The following PPP3CA variants were observed in gnomAD, a reference collection of about 807,000 sequenced individuals.
The protein encoded by PPP3CA is CAM-PRP catalytic subunit.
PPP3CA carries 14 observed loss-of-function variants against 66.5 expected under a neutral mutation model. The observed-to-expected ratio is 0.21, with a 90% CI of 0.14 to 0.33. The LOEUF (loss-of-function observed/expected upper bound fraction) is 0.33, where lower values mean the gene tolerates loss of function less well. PPP3CA is among the 10% of genes least tolerant of loss of function. The probability of loss-of-function intolerance (pLI) is 1.00; values close to 1 mark genes in which losing one functional copy is unlikely to be tolerated. For missense variants in PPP3CA, 317 were observed against 639.5 expected (o/e 0.50, Z 5.44); for synonymous variants, 232 against 226.2 (o/e 1.03, Z -0.23).
intron 11 of PPP3CA, among the ~76,000 whole-genome samples, chr4:101,035,266 T>TAAAAC (rs536738710): frequency 5.9e-5 from 9 of 151,398 alleles, no homozygotes; most frequent in Non-Finnish European, 1.2e-4. Flanking sequence ...GAGACCGTCT[T>TAAAAC]AAAACAAAAC....
chr4:101,066,894 G>A (rs772183622), intron 8 of PPP3CA, among the ~76,000 whole-genome samples: 1 of 152,076 alleles, frequency 6.6e-6, no homozygotes, highest in African/African-American at 2.4e-5. Context: ...AATACAAATA[G>A]TTGTACTTCA....
chr4:101,175,201 T>C (rs1362230064), intron 2 of PPP3CA, among the ~76,000 whole-genome samples: 1 of 152,068 alleles, frequency 6.6e-6, no homozygotes, highest in Non-Finnish European at 1.5e-5. Context: ...CTATAGAAAC[T>C]GGAAGGGGCC....
intron 1 of PPP3CA, among the ~76,000 whole-genome samples, chr4:101,346,185 G>C (rs1467568143): frequency 6.6e-6 from 1 of 151,320 alleles, no homozygotes. Context: ...GGCCCTTCCA[G>C]GGGGAGGGGG....
chr4:101,312,872 A>G (rs1270063336), intron 1 of PPP3CA, among the ~76,000 whole-genome samples: 1 of 152,326 alleles, frequency 6.6e-6, no homozygotes, highest in East Asian at 1.9e-4. Context: ...AAGTGGTTGC[A>G]GGCAAAACCA....
chr4:101,169,755 G>A (rs1326142967), intron 2 of PPP3CA, among the ~76,000 whole-genome samples: 1 of 150,246 alleles, frequency 6.7e-6, no homozygotes, highest in Non-Finnish European at 1.5e-5. Flanking sequence ...TTTTACTGCT[G>A]ACTCTTATGT....
At chr4:101,234,302 C>A (rs1726058048) in intron 1 of PPP3CA, among the ~76,000 whole-genome samples, 1 of 151,706 alleles carries the variant, frequency 6.6e-6, no homozygotes, top group Non-Finnish European at 1.5e-5. Context: ...CTTTGAGGAA[C>A]TGCCTCACTG....
intron 3 of PPP3CA, among the ~76,000 whole-genome samples, chr4:101,105,020 T>G (rs1014295600): frequency 2.0e-5 from 3 of 152,170 alleles, no homozygotes; most frequent in African/African-American, 4.8e-5. Context: ...TCCAGTTTGA[T>G]CCTTTGCTTG....
chr4:101,132,620 C>A (rs989719442), intron 2 of PPP3CA, among the ~76,000 whole-genome samples: 1 of 151,948 alleles, frequency 6.6e-6, no homozygotes, highest in African/African-American at 2.4e-5. Flanking sequence ...GCCTACCAAC[C>A]AAAAAAAGCC....
chr4:101,149,976 C>T (rs17030807), intron 2 of PPP3CA, among the ~76,000 whole-genome samples: 9,460 of 152,058 alleles, frequency 0.062, 996 homozygotes, highest in African/African-American at 0.21. Flanking sequence ...GTACAGTGGT[C>T]CCAAAGTCAC....
intron 3 of PPP3CA, among the ~76,000 whole-genome samples, chr4:101,106,789 T>A (rs564316168): frequency 6.6e-6 from 1 of 152,318 alleles, no homozygotes; most frequent in African/African-American, 2.4e-5. Context: ...GAAACTGATG[T>A]AGCCATCTTG....
chr4:101,274,161 G>A (rs888921423), intron 1 of PPP3CA, among the ~76,000 whole-genome samples: 8 of 152,056 alleles, frequency 5.3e-5, no homozygotes, highest in Admixed American at 1.3e-4. Flanking sequence ...AACATTAGCC[G>A]GACATGATGG....
chr4:101,296,007 A>G (rs1292178770), intron 1 of PPP3CA, among the ~76,000 whole-genome samples: 1 of 151,970 alleles, frequency 6.6e-6, no homozygotes, highest in Non-Finnish European at 1.5e-5. Context: ...TTTGAAAATA[A>G]GCTGGAGTTG....
intron 2 of PPP3CA, among the ~76,000 whole-genome samples, chr4:101,155,939 T>C (rs1175775237): frequency 6.6e-6 from 1 of 152,186 alleles, no homozygotes; most frequent in East Asian, 1.9e-4. Context: ...TCTTATCATG[T>C]GCTGTGTATT....
chr4:101,057,060 CT>C (rs60282854), intron 10 of PPP3CA, among the ~76,000 whole-genome samples: 9,256 of 144,830 alleles, frequency 0.064, 890 homozygotes, highest in African/African-American at 0.21. Context: ...GTAGAATATA[CT>C]TTTTTTTTTT....
chr4:101,309,101 A>G (rs766057781), intron 1 of PPP3CA, among the ~76,000 whole-genome samples: 6 of 152,116 alleles, frequency 3.9e-5, no homozygotes, highest in Non-Finnish European at 8.8e-5. Context: ...CACTCCAACC[A>G]GGGTGAAGGA....
At chr4:101,124,206 A>T (rs982480496) in intron 2 of PPP3CA, among the ~76,000 whole-genome samples, 16 of 152,200 alleles carry the variant, frequency 1.1e-4, no homozygotes, top group African/African-American at 3.9e-4. Context: ...TGTAGATGTA[A>T]AGTGCAAGCA....
chr4:101,162,948 T>G (rs1023532305), intron 2 of PPP3CA, among the ~76,000 whole-genome samples: 2 of 152,172 alleles, frequency 1.3e-5, no homozygotes, highest in Non-Finnish European at 2.9e-5. Flanking sequence ...CAGACTCCCT[T>G]GCCATTAGGG....
At chr4:101,059,333 T>C (rs1728360238) in intron 10 of PPP3CA, among the ~76,000 whole-genome samples, 1 of 152,130 alleles carries the variant, frequency 6.6e-6, no homozygotes, top group African/African-American at 2.4e-5. Flanking sequence ...GTTTTTTAAA[T>C]ATATCCATTT....
intron 6 of PPP3CA, among the ~76,000 whole-genome samples, chr4:101,092,305 A>T (rs1176701401): frequency 1.3e-5 from 2 of 152,220 alleles, no homozygotes; most frequent in African/African-American, 4.8e-5. Flanking sequence ...AGAAGGAATT[A>T]AATGATTGAT....
Sources: gnomAD v4.1 joint callset for allele counts (sites outside exome capture counted in the v4.1 genomes callset) on GRCh38, gnomAD v4.1.1 for gene constraint, MANE v1.5 for transcripts, NCBI Gene and HGNC (gene_info 2026-07-23, HGNC 2026-07-21) for gene names.